JAML: variants seen among roughly 807,000 people sequenced by gnomAD.
The protein encoded by JAML is junctional adhesion molecule-like.
A neutral mutation model predicts 39.3 loss-of-function variants in JAML; 25 were observed. That is an observed-to-expected ratio of 0.64 (90% CI 0.46 to 0.89). The LOEUF (loss-of-function observed/expected upper bound fraction) is 0.89. Ranked by LOEUF, JAML falls within the 40% of genes least tolerant of loss-of-function variation. JAML has a pLI of 0.00. For synonymous variants in JAML, 162 were observed against 179.2 expected, an observed-to-expected ratio of 0.90 and a Z score of 0.77; for missense variants, 440 against 486.9, an observed-to-expected ratio of 0.90 and a Z score of 0.91.
At chr11:118,211,714 T>C (rs867842456) in intron 3 of JAML, among the ~76,000 whole-genome samples, 8 of 152,326 alleles carry the variant, frequency 5.3e-5, no homozygotes, top group Non-Finnish European at 1.2e-4. Flanking sequence ...AGTAACAAAC[T>C]ACTTGGGATG....
intron 4 of JAML, among the ~76,000 whole-genome samples, chr11:118,209,616 G>C (rs551564483): frequency 6.6e-6 from 1 of 152,180 alleles, no homozygotes; most frequent in Admixed American, 6.5e-5. Flanking sequence ...CACCTCCTGG[G>C]CTCAAGTGAT....
At chr11:118,206,240 T>C (rs548643745) in intron 4 of JAML, among the ~76,000 whole-genome samples, 4 of 152,300 alleles carry the variant, frequency 2.6e-5, no homozygotes, top group African/African-American at 9.6e-5. Flanking sequence ...GAATACCCTC[T>C]AGCTGCCCAC....
intron 1 of JAML, among the ~76,000 whole-genome samples, chr11:118,223,372 C>T (rs1017726317): frequency 6.6e-5 from 10 of 151,970 alleles, no homozygotes; most frequent in Admixed American, 2.0e-4. Flanking sequence ...GGTTTGTGGA[C>T]GTTTTACCTT....
At chr11:118,218,161 T>TC (rs1425262941) in intron 1 of JAML, among the ~76,000 whole-genome samples, 1 of 152,202 alleles carries the variant, frequency 6.6e-6, no homozygotes, top group African/African-American at 2.4e-5. Flanking sequence ...TGGCACGATC[T>TC]CAGCTCACCG....
At chr11:118,198,970 A>G (rs998711752) in intron 7 of JAML, among the ~76,000 whole-genome samples, 2 of 152,194 alleles carry the variant, frequency 1.3e-5, no homozygotes, top group African/African-American at 4.8e-5. Context: ...TATTTAGTAC[A>G]TATGCTGCTG....
chr11:118,216,296 T>C (rs914876924), intron 1 of JAML, among the ~76,000 whole-genome samples: 3 of 151,142 alleles, frequency 2.0e-5, no homozygotes, highest in African/African-American at 7.3e-5. Flanking sequence ...GTGAACCTGG[T>C]AGGCGGAGCT....
At chr11:118,201,466 T>C (rs1715441) in intron 6 of JAML, 120,741 of 152,218 alleles carry the variant, frequency 0.79, 48,348 homozygotes, top group African/African-American at 0.9. Flanking sequence ...AAAGTGGCAT[T>C]TGTGGGTGTG....
chr11:118,205,890 G>T lies in JAML; in HGVS notation c.526C>A (p.Arg176Ser). 1.9e-6 allele frequency: 3 copies of T among 1,613,596 alleles called. No individual in the cohort carries two copies. The highest frequency in any genetic ancestry group is 2.5e-6 in the Non-Finnish European group (3 of 1,179,610). Residue 176 changes from arginine to serine, a missense_variant, in exon 5 of 10, where the codon CGC (arginine) becomes AGC (serine). By Grantham distance (110) the Arg-to-Ser change is moderately radical. Coordinates refer to ENST00000356289, the MANE Select transcript of JAML (RefSeq NM_001098526.2). The stretch of plus-strand genomic sequence containing the variant: ...TGTTTCCTCCTTGTTACCTTTGCGC[G>T]CCGTCCTGAAAATATCCATTCTACC... Reference protein sequence around the residue: ...TKVEWIFSGRRAKEEIVFRYY... With the variant: ...TKVEWIFSGRSAKEEIVFRYY...
At position 118,210,653 on chromosome 11, in the gene JAML, G is replaced by T; in HGVS notation, c.258C>A (p.Asn86Lys). The T allele has an allele frequency of 6.2e-7, 1 of 1,614,188 alleles. No individual in the cohort carries two copies. Among genetic ancestry groups the T allele is most frequent in the Non-Finnish European group, 8.5e-7 (1 of 1,180,018 alleles). Residue 86 changes from asparagine to lysine, a missense_variant, in exon 4 of 10, where the codon AAC (asparagine) becomes AAA (lysine). By Grantham distance (94) the Asn-to-Lys change is moderately conservative. Coordinates refer to ENST00000356289, the MANE Select transcript of JAML (RefSeq NM_001098526.2). The part of the protein sequence containing the change: ...NLSVPIGRFQ[N>K]RVHLMGDILC... The stretch of plus-strand genomic sequence containing the variant: ...AGATGTCCCCCATCAAGTGTACGCG[G>T]TTCTGGAAGCGCCCAATAGGCACAC...
chr11:118,217,377 A>G (rs1420694255), intron 1 of JAML, among the ~76,000 whole-genome samples: 1 of 152,232 alleles, frequency 6.6e-6, no homozygotes, highest in Non-Finnish European at 1.5e-5. Flanking sequence ...CATCCAAACC[A>G]TCTTCAAACA....
At chr11:118,203,177 G>A in intron 6 of JAML, 1 of 639,614 alleles carries the variant, frequency 1.6e-6, no homozygotes, top group Non-Finnish European at 2.9e-6. Context: ...CAGAGGATTG[G>A]TATTCACTAA....
chr11:118,213,036 T>C lies in JAML; in HGVS notation c.44-475A>G, dbSNP rs1374888436. 3.1e-6 allele frequency: 5 copies of C among 1,602,642 alleles called. No homozygotes were observed. In the African/African-American group the frequency reaches 5.4e-5, roughly 17 times the overall value. ...TTAGTTCCTTTACAAAAGCATTTGC[T>C]GGCTGATTCTGGCTGTAGGGCAGGT... On this transcript the variant is annotated intron_variant, in intron 2 of 9. Transcript: ENST00000356289.
At chr11:118,213,045 C>T in intron 2 of JAML, 1 of 1,600,180 alleles carries the variant, frequency 6.2e-7, no homozygotes, top group Non-Finnish European at 8.5e-7. Context: ...CTGGCTGATT[C>T]TGGCTGTAGG....
At chr11:118,221,163 T>C (rs186245835) in intron 1 of JAML, among the ~76,000 whole-genome samples, 1 of 152,246 alleles carries the variant, frequency 6.6e-6, no homozygotes, top group Non-Finnish European at 1.5e-5. Flanking sequence ...GAGTACACCA[T>C]TAAAAGGAAA....
At chr11:118,219,315 A>G (rs1949183989) in intron 1 of JAML, among the ~76,000 whole-genome samples, 1 of 152,232 alleles carries the variant, frequency 6.6e-6, no homozygotes, top group Non-Finnish European at 1.5e-5. Flanking sequence ...ACTCTTATAC[A>G]TTATTGGTAG....
Position 118,203,471 on chromosome 11 carries a change from G to C in JAML, c.729C>G (p.Phe243Leu). The part of the protein sequence containing the change: ...TCSIHLGNLV[F>L]KKTIVLHVSP... ...TGACATGCAGCACAATGGTTTTCTT[G>C]AACACCAGGTTCCCTAGGTGGATAC... The change falls in exon 6 of 10, where the codon TTC (phenylalanine) becomes TTG (leucine). Residue 243 changes from phenylalanine (F) to leucine (L), a missense_variant. Coordinates refer to ENST00000356289, the MANE Select transcript of JAML (RefSeq NM_001098526.2). The C allele has an allele frequency of 6.2e-7, 1 of 1,614,132 alleles. No individual in the cohort carries two copies. The highest frequency in any genetic ancestry group is 1.1e-5 in the South Asian group (1 of 91,080).
Position 118,200,470 on chromosome 11 carries a change from G to T in JAML, c.911+4C>A. 6.2e-7 allele frequency: 1 copy of T among 1,614,050 alleles called. No individual in the cohort carries two copies. On this transcript the variant is annotated splice_donor_region_variant and intron_variant, in intron 7 of 9. Transcript: ENST00000356289. ...CAATCCAAGGGGTGGGGGTAGCCCT[G>T]TACCTCTTATTTCCACAGGTCTTCT...
At chr11:118,199,363 C>T (rs2134644994) in intron 7 of JAML, among the ~76,000 whole-genome samples, 1 of 152,226 alleles carries the variant, frequency 6.6e-6, no homozygotes, top group Non-Finnish European at 1.5e-5. Flanking sequence ...AGAGGCCAGC[C>T]AAGTTCAAAA....
chr11:118,206,974 C>T (rs1715425), intron 4 of JAML, among the ~76,000 whole-genome samples: 120,251 of 151,666 alleles, frequency 0.79, 48,124 homozygotes, highest in African/African-American at 0.91. Flanking sequence ...GCAAAGATCA[C>T]AAGGGAACAG....
Sources: gnomAD v4.1 joint callset for allele counts (sites outside exome capture counted in the v4.1 genomes callset) on GRCh38, gnomAD v4.1.1 for gene constraint, MANE v1.5 for transcripts, NCBI Gene and HGNC (gene_info 2026-07-23, HGNC 2026-07-21) for gene names.